The following TNS1 variants were observed in gnomAD, a reference collection of about 807,000 sequenced individuals.
The protein encoded by TNS1 is tensin-1.
TNS1 carries 62 observed loss-of-function variants against 168.6 expected under a neutral mutation model. The observed-to-expected ratio is 0.37, with a 90% CI of 0.30 to 0.45. The LOEUF (loss-of-function observed/expected upper bound fraction) is 0.45. Among genes scored for constraint, TNS1 ranks in the 20% least tolerant of loss-of-function variants. The pLI is 1.00. For synonymous variants in TNS1, 934 were observed against 933.2 expected (o/e 1.00, Z -0.02); for missense variants, 2,240 against 2,339.4 (o/e 0.96, Z 0.88).
At chr2:217,870,397 G>A (rs1383619881) in intron 18 of TNS1, among the ~76,000 whole-genome samples, 1 of 152,356 alleles carries the variant, frequency 6.6e-6, no homozygotes, top group African/African-American at 2.4e-5. Context: ...AAGAGAGGAA[G>A]GTAATGATGG....
In TNS1 at chr2:217,818,530, C is replaced by T. The variant is rs1181370087; in HGVS notation, c.3802G>A (p.Ala1268Thr). The change falls in exon 24 of 33, where the codon GCT (alanine) becomes ACT (threonine). Residue 1268 changes from alanine (A) to threonine (T), a missense_variant. Physicochemically the swap from Ala to Thr is moderately conservative, Grantham distance 58. This residue lies in a region of TNS1 where 2,131 missense variants were observed against 2,171.2 expected (regional missense o/e 0.98). Transcript: ENST00000682258. ...FSSSPESQAR[A>T]QFSVAGVHTV... ...TGGACGCCAGCCACACTGAACTGAG[C>T]TCGAGCCTGGCTTTCCGGAGAGGAG... The T allele has an allele frequency of 6.2e-7, 1 of 1,614,246 alleles. No individual in the cohort carries two copies. Among genetic ancestry groups the T allele is most frequent in the East Asian group, 2.2e-5 (1 of 44,884 alleles).
At chr2:217,917,450 A>T (rs1252992264) in intron 4 of TNS1, among the ~76,000 whole-genome samples, 1 of 152,190 alleles carries the variant, frequency 6.6e-6, no homozygotes, top group African/African-American at 2.4e-5. Flanking sequence ...TGCATAGTGT[A>T]TCGGGGCGAT....
At chr2:217,924,485 G>A (rs114771397) in intron 3 of TNS1, among the ~76,000 whole-genome samples, 1,823 of 152,196 alleles carry the variant, frequency 0.012, 41 homozygotes, top group African/African-American at 0.042. Flanking sequence ...CATCTTATCC[G>A]TCAAACTAGT....
At position 217,958,118 on chromosome 2, in the gene TNS1, A is replaced by G. The variant is rs118032882; in HGVS notation, c.186+20647T>C. 2.2e-4 allele frequency among the ~76,000 whole-genome samples: 33 copies of G among 152,288 alleles called. No homozygotes were observed. The East Asian group carries it at 3.7e-3, about 17-fold the overall frequency. ...AAACATAGCACAATTTTATTTTAAT[A>G]TTTATGTATTTCAAGAAAAATTAAA... On this transcript the variant is annotated intron_variant, in intron 3 of 32. Coordinates refer to ENST00000682258, the MANE Select transcript of TNS1 (RefSeq NM_001387777.1).
chr2:217,992,168 C>A (rs77778441), intron 1 of TNS1, among the ~76,000 whole-genome samples: 1 of 152,166 alleles, frequency 6.6e-6, no homozygotes, highest in African/African-American at 2.4e-5. Context: ...AAAGCATCCC[C>A]TGCCCCAGGC....
rs1559401157 is a variant in TNS1, at chr2:217,986,167, C to T, written c.148+4775G>A. 6.6e-6 allele frequency among the ~76,000 whole-genome samples: 1 copy of T among 152,194 alleles called. No individual in the cohort carries two copies. Among genetic ancestry groups the T allele is most frequent in the East Asian group, 1.9e-4 (1 of 5,188 alleles). On this transcript the variant is annotated intron_variant, in intron 2 of 32. Transcript: ENST00000682258. The surrounding 1 kb of genome is among the most constrained non-coding windows in gnomAD (Gnocchi z 4.7). ...GGGCTAGAAACCCAGGGTCTTCCCA[C>T]CCTACCAGGCTACCTCTGGTGGCTC...
At chr2:217,886,483 T>A in intron 13 of TNS1, 51 bp downstream of exon 13, 2 of 1,420,224 alleles carry the variant, frequency 1.4e-6, no homozygotes, top group Non-Finnish European at 1.9e-6. Context: ...AGATGGAAGA[T>A]GAAAGGGAGG....
At chr2:217,897,635 G>T (rs1182580763) in intron 8 of TNS1, among the ~76,000 whole-genome samples, 163 bp downstream of exon 8, 1 of 152,176 alleles carries the variant, frequency 6.6e-6, no homozygotes, top group Non-Finnish European at 1.5e-5. Flanking sequence ...GAGAGTGATT[G>T]AAGACTCAGG....
chr2:217,801,392 A>G lies in TNS1; in HGVS notation c.*3067T>C, dbSNP rs891117684. The G allele has an allele frequency of 1.3e-5, 2 of 152,074 alleles. No individual in the cohort carries two copies. The highest frequency in any genetic ancestry group is 4.8e-5 in the African/African-American group (2 of 41,370). The allele number at this position is 152,074 out of a possible 1,614,324, so 9.4% of individuals were successfully genotyped here. On this transcript the variant is annotated 3_prime_UTR_variant, in exon 33 of 33. Coordinates refer to ENST00000682258, the MANE Select transcript of TNS1 (RefSeq NM_001387777.1). ...CCCTCCTCTGCCCTCTTCCCTCCAGACACCCAGCTGGACAGCTGGTGGCAG... is the reference window on the plus strand; with the variant it reads ...CCCTCCTCTGCCCTCTTCCCTCCAGGCACCCAGCTGGACAGCTGGTGGCAG...
intron 1 of TNS1, among the ~76,000 whole-genome samples, chr2:218,028,219 G>A (rs749858723): frequency 2.6e-4 from 40 of 152,166 alleles, no homozygotes; most frequent in Non-Finnish European, 5.4e-4. Context: ...CCATGCATGA[G>A]CTGGCCCCCA....
At chr2:218,010,340 C>G (rs887885573) in exon 1 of TNS1, 3 of 395,416 alleles carry the variant, frequency 7.6e-6, no homozygotes, top group Admixed American at 4.4e-5. Flanking sequence ...GGCTCAGCCC[C>G]GGAGGAGCAG....
In TNS1 at chr2:217,995,662, C is replaced by G. The variant is rs945662215; in HGVS notation, c.34-4606G>C. Among the ~76,000 whole-genome samples, 1 of 152,050 alleles carries G rather than the reference C, an allele frequency of 6.6e-6. No individual in the cohort carries two copies. Among genetic ancestry groups the G allele is most frequent in the Non-Finnish European group, 1.5e-5 (1 of 68,022 alleles). ...GTGGCAGACGGCCTCACGGAGCACA[C>G]CCCGGGGCCCTTCCTTTGCTGGCTG... On this transcript the variant is annotated intron_variant, in intron 1 of 32. Transcript: ENST00000682258. The surrounding 1 kb of genome is among the most constrained non-coding windows in gnomAD (Gnocchi z 4.1).
At chr2:217,831,640 G>A (rs553962886) in intron 21 of TNS1, 93 bp from the exon 22 acceptor site, 9 of 1,049,406 alleles carry the variant, frequency 8.6e-6, no homozygotes, top group Admixed American at 3.7e-5. Flanking sequence ...AGTGAGGGCT[G>A]GGGGGCTGGA....
Position 217,891,081 on chromosome 2 carries a change from C to T in TNS1, c.783-36G>A, listed in dbSNP as rs765487466. The T allele has an allele frequency of 2.5e-6, 4 of 1,610,474 alleles. No individual in the cohort carries two copies. The Admixed American group carries it at 5.0e-5, about 20-fold the overall frequency. On this transcript the variant is annotated intron_variant, in intron 11 of 32. Coordinates refer to ENST00000682258, the MANE Select transcript of TNS1 (RefSeq NM_001387777.1). ...AGACAGGTGGTCAAAAGAGGCAACT[C>T]CTGCATCCAAGAGCCGCTTGTTTTC...
intron 3 of TNS1, among the ~76,000 whole-genome samples, chr2:217,958,920 T>G (rs1399328225): frequency 6.6e-6 from 1 of 152,220 alleles, no homozygotes; most frequent in Non-Finnish European, 1.5e-5. Flanking sequence ...TACAAGGTTC[T>G]CAGCACCTGG....
chr2:217,900,234 A>G (rs1273681673), intron 7 of TNS1, among the ~76,000 whole-genome samples: 1 of 152,244 alleles, frequency 6.6e-6, no homozygotes, highest in African/African-American at 2.4e-5. Flanking sequence ...AGATGAGCTC[A>G]TGCAGGTAAA....
At chr2:217,856,004 C>T (rs1474992763) in intron 18 of TNS1, among the ~76,000 whole-genome samples, 1 of 152,202 alleles carries the variant, frequency 6.6e-6, no homozygotes, top group African/African-American at 2.4e-5. Context: ...ATTAACTTCC[C>T]TAGACCCAGG....
Position 217,809,910 on chromosome 2 carries a change from G to T in TNS1, c.5186C>A (p.Thr1729Lys), listed in dbSNP as rs767768746. Reference protein sequence around the residue: ...PQAISKATSETLAADPTPAAT... With the variant: ...PQAISKATSEKLAADPTPAAT... ...AGCTGGCGTGGGGTCTGCAGCCAAC[G>T]TCTCAGATGTGGCTTTAGAGATGGC... The change falls in exon 30 of 33, where the codon ACG (threonine) becomes AAG (lysine). Residue 1729 changes from threonine (T) to lysine (K), a missense_variant. Coordinates refer to ENST00000682258, the MANE Select transcript of TNS1 (RefSeq NM_001387777.1). 1 of 1,613,598 alleles carries T rather than the reference G, an allele frequency of 6.2e-7. No individual in the cohort carries two copies. Among genetic ancestry groups the T allele is most frequent in the Non-Finnish European group, 8.5e-7 (1 of 1,179,666 alleles).
At chr2:217,988,699 G>T (rs560671475) in intron 2 of TNS1, among the ~76,000 whole-genome samples, 60 of 152,290 alleles carry the variant, frequency 3.9e-4, no homozygotes, top group African/African-American at 1.4e-3. Flanking sequence ...TGGGAGGAGG[G>T]TGACACCGCG....
Sources: gnomAD v4.1 joint callset for allele counts (sites outside exome capture counted in the v4.1 genomes callset) on GRCh38, gnomAD v4.1.1 for gene constraint, gnomAD v4.1.1 regional missense constraint, Gnocchi (gnomAD v3.1) non-coding constraint, MANE v1.5 for transcripts, NCBI Gene and HGNC (gene_info 2026-07-23, HGNC 2026-07-21) for gene names.